DCAF4: variants seen among roughly 807,000 people sequenced by gnomAD.
DCAF4 encodes the protein DDB1 and CUL4 associated factor 4, also known as DDB1- and CUL4-associated factor 4.
In DCAF4, 37 loss-of-function variants were observed where a neutral mutation model predicts 60.9. The ratio of observed to expected loss-of-function variants is 0.61; its 90% confidence interval spans 0.47 to 0.80. The LOEUF (loss-of-function observed/expected upper bound fraction) is 0.80. Among genes scored for constraint, DCAF4 ranks in the 30% least tolerant of loss-of-function variants. The probability of loss-of-function intolerance (pLI) is 0.00; values close to 1 mark genes in which losing one functional copy is unlikely to be tolerated. For missense variants in DCAF4, 577 were observed against 650.0 expected, an observed-to-expected ratio of 0.89 and a Z score of 1.22; for synonymous variants, 243 against 254.8, an observed-to-expected ratio of 0.95 and a Z score of 0.44.
At chr14:72,947,668 G>C (rs566010418) in intron 8 of DCAF4, among the ~76,000 whole-genome samples, 1 of 152,356 alleles carries the variant, frequency 6.6e-6, no homozygotes, top group South Asian at 2.1e-4. Flanking sequence ...AGGCCAGGGA[G>C]GAAAACAGTG....
downstream of DCAF4, chr14:72,961,965 C>T (rs1354535232): frequency 4.4e-6 from 5 of 1,132,948 alleles, no homozygotes; most frequent in Non-Finnish European, 4.4e-6. Flanking sequence ...GCACGTCTGT[C>T]TTTGGAGAGG....
Position 72,943,106 on chromosome 14 carries a change from A to G in DCAF4, c.534+10A>G, listed in dbSNP as rs756563176. Reference sequence around the variant, plus strand: ...ATTTAACCTCATACTGGTGAGTGGGAGGGGGACACCTGCCTAGGGTGTGGC... The same window carrying G: ...ATTTAACCTCATACTGGTGAGTGGGGGGGGGACACCTGCCTAGGGTGTGGC... On this transcript the variant is annotated intron_variant, in intron 6 of 13. Transcript: ENST00000358377. 1 of 1,613,132 alleles carries G rather than the reference A, an allele frequency of 6.2e-7. No homozygotes were observed. The highest frequency in any genetic ancestry group is 1.1e-5 in the South Asian group (1 of 91,036).
At chr14:72,940,654 G>C (rs1360780632) in intron 4 of DCAF4, 1 of 283,442 alleles carries the variant, frequency 3.5e-6, no homozygotes, top group Non-Finnish European at 6.4e-6. Context: ...ACAGTGGCAT[G>C]ATCTCAGCTC....
At chr14:72,929,700 A>G (rs745558813) in intron 1 of DCAF4, 7 of 1,290,822 alleles carry the variant, frequency 5.4e-6, no homozygotes, top group Non-Finnish European at 7.8e-6. Context: ...GTGCGTCCCC[A>G]CCCTTTTCTT....
chr14:72,954,757 T>G (rs1799612395), intron 11 of DCAF4, among the ~76,000 whole-genome samples: 1 of 152,172 alleles, frequency 6.6e-6, no homozygotes, highest in African/African-American at 2.4e-5. Context: ...GGACAAACCA[T>G]TTTTAAAATG....
chr14:72,955,914 C>CTTTTTTTTTTTTTTTTTTTTTTT (rs71109770), intron 12 of DCAF4, among the ~76,000 whole-genome samples: 2 of 54,768 alleles, frequency 3.7e-5, no homozygotes, highest in African/African-American at 1.4e-4. Flanking sequence ...TGGTTATGTC[C>CTTTTTTTTTTTTTTTTTTTTTTT]TTTTTTTTTT....
Position 72,937,964 on chromosome 14 carries a change from C to A in DCAF4, c.-8-7C>A, listed in dbSNP as rs1315743507. 3 of 1,582,528 alleles carry A rather than the reference C, an allele frequency of 1.9e-6. No individual in the cohort carries two copies. The highest frequency in any genetic ancestry group is 3.9e-5 in the Admixed American group (2 of 51,158). ...GATGTATGGATTTTTTTGTTTTTCT[C>A]TTTTAGGAACAGAAATGAATAAAAG... is the stretch of plus-strand genomic sequence containing the variant. On this transcript the variant is annotated splice_region_variant and splice_polypyrimidine_tract_variant and intron_variant, in intron 1 of 13. Coordinates refer to ENST00000358377, the MANE Select transcript of DCAF4 (RefSeq NM_015604.4).
At chr14:72,940,830 A>T (rs1889951062) in intron 4 of DCAF4, among the ~76,000 whole-genome samples, 2 of 151,868 alleles carry the variant, frequency 1.3e-5, no homozygotes, top group Admixed American at 1.3e-4. Context: ...ACTTCAAGTG[A>T]TCTGCCTGCC....
Position 72,959,001 on chromosome 14 carries a change from G to A in DCAF4, c.*196G>A. ...TTATTTGAGTTAAATTGCTGGCTGA[G>A]AGAGCTTGGAAGTCCTTTTCATAAA... On this transcript the variant is annotated 3_prime_UTR_variant, in exon 14 of 14. Transcript: ENST00000358377. 1 of 1,255,294 alleles carries A rather than the reference G, an allele frequency of 8.0e-7. No individual in the cohort carries two copies. Among genetic ancestry groups the A allele is most frequent in the Non-Finnish European group, 1.0e-6 (1 of 1,001,446 alleles). The allele number at this position is 1,255,294 out of a possible 1,614,324, so 77.8% of individuals were successfully genotyped here. A position where few individuals can be genotyped will look rare whatever the true frequency, so the allele number is the denominator to read the frequency against.
chr14:72,927,894 T>C, intron 1 of DCAF4, among the ~76,000 whole-genome samples: 1 of 152,138 alleles, frequency 6.6e-6, no homozygotes, highest in Admixed American at 6.5e-5. Context: ...GTCTAAAATG[T>C]TGTTTTACAG....
At chr14:72,939,929 C>A in intron 3 of DCAF4, 27 bp downstream of exon 3, 2 of 1,566,112 alleles carry the variant, frequency 1.3e-6, no homozygotes, top group Non-Finnish European at 1.7e-6. Flanking sequence ...GGTGGGAATC[C>A]TGGCCCTTGC....
intron 1 of DCAF4, among the ~76,000 whole-genome samples, chr14:72,933,656 A>G (rs1254735763): frequency 6.6e-6 from 1 of 151,906 alleles, no homozygotes; most frequent in East Asian, 1.9e-4. Flanking sequence ...TTACTTTCAA[A>G]TCTGTCTCTT....
chr14:72,947,900 C>T (rs1249529986), intron 8 of DCAF4, among the ~76,000 whole-genome samples: 3 of 152,122 alleles, frequency 2.0e-5, no homozygotes, highest in African/African-American at 7.2e-5. Flanking sequence ...CTCTGGGACC[C>T]TTGGGGGCTG....
chr14:72,951,831 C>T lies in DCAF4; in HGVS notation c.762C>T (p.Gly254=), dbSNP rs1401529161. The T allele has an allele frequency of 6.2e-7, 1 of 1,614,128 alleles. No homozygotes were observed. ...TCATGGGACTCGCAGAGACTCCAGG[C>T]TGTGCCACCCTGCTCCCAGCATCAC... ...LCLMGLAETP[G]CATLLPASLF... is the part of the protein sequence containing the mutation. Residue 254 remains glycine, a synonymous_variant, in exon 9 of 14, where the codon GGC becomes GGT. Coordinates refer to ENST00000358377, the MANE Select transcript of DCAF4 (RefSeq NM_015604.4).
rs1226149992 is a variant in DCAF4, at chr14:72,958,793, C to A, written c.1476C>A (p.Tyr492Ter). 6.4e-6 allele frequency: 10 copies of A among 1,563,550 alleles called. No individual in the cohort carries two copies. The highest frequency in any genetic ancestry group is 7.8e-6 in the Non-Finnish European group (9 of 1,157,482). ...CTGTCGGGCAGGACCTTTACTGTTA[C>A]TCCTACAGCTAATTCTGCAGGGCAC... is the stretch of plus-strand genomic sequence containing the variant. ...LMAVGQDLYC[Y>*]SYS The change falls in exon 14 of 14, where the codon TAC becomes TAA. Residue 492 changes from tyrosine to a stop codon, truncating the protein, a stop_gained. Coordinates refer to ENST00000358377, the MANE Select transcript of DCAF4 (RefSeq NM_015604.4). LOFTEE classifies it high-confidence loss of function.
chr14:72,929,336 A>G (rs1341411826), intron 1 of DCAF4, among the ~76,000 whole-genome samples: 6 of 152,132 alleles, frequency 3.9e-5, no homozygotes, highest in African/African-American at 9.7e-5. Flanking sequence ...ATGAACCTTT[A>G]TAGAGGGTGG....
chr14:72,953,275 C>T (rs948987366), intron 9 of DCAF4, among the ~76,000 whole-genome samples: 7 of 152,042 alleles, frequency 4.6e-5, no homozygotes, highest in Non-Finnish European at 7.4e-5. Flanking sequence ...GCTGGGATTA[C>T]AGGCGTGAGC....
chr14:72,958,852 T>G lies in DCAF4; in HGVS notation c.*47T>G, dbSNP rs1162857636. On this transcript the variant is annotated 3_prime_UTR_variant, in exon 14 of 14. Transcript: ENST00000358377. The stretch of plus-strand genomic sequence containing the variant: ...GCCATGTGGATTTGACTTACGGGAG[T>G]AAAGCGTAACTTTTTACTGCATCTA... 3.8e-5 allele frequency: 58 copies of G among 1,512,454 alleles called. No homozygotes were observed. Among genetic ancestry groups the G allele is most frequent in the Non-Finnish European group, 5.0e-5 (57 of 1,132,346 alleles). 93.7% of individuals were successfully genotyped at this position (1,512,454 alleles called of 1,614,324 possible). A position where few individuals can be genotyped will look rare whatever the true frequency, so the allele number is the denominator to read the frequency against.
downstream of DCAF4, among the ~76,000 whole-genome samples, chr14:72,960,163 T>G (rs1171953828): frequency 1.3e-5 from 2 of 151,914 alleles, no homozygotes; most frequent in Non-Finnish European, 2.9e-5. Flanking sequence ...CCAAATTTTT[T>G]TTTTTTTTTT....
Sources: allele counts gnomAD v4.1 joint callset (sites outside exome capture counted in the v4.1 genomes callset), GRCh38; gene constraint gnomAD v4.1.1; transcripts MANE v1.5; gene names NCBI Gene and HGNC (gene_info 2026-07-23, HGNC 2026-07-21).